Variants in RAP1B observed in about 807,000 individuals in gnomAD.
RAP1B encodes ras-related protein Rap-1b.
Under a neutral mutation model 27.5 loss-of-function variants are expected in RAP1B, and 1 was observed. The ratio of observed to expected loss-of-function variants is 0.04; its 90% CI spans 0.01 to 0.17. RAP1B has a LOEUF of 0.17. Among genes scored for constraint, RAP1B ranks in the 10% least tolerant of loss-of-function variants. The pLI, the probability that RAP1B is intolerant of heterozygous loss-of-function variation, is 1.00. For synonymous variants in RAP1B, 75 were observed against 73.1 expected (o/e 1.03, Z -0.13); for missense variants, 84 against 214.8 (o/e 0.39, Z 3.81).
At chr12:68,637,864 TTA>T (rs1872740017) in intron 1 of RAP1B, among the ~76,000 whole-genome samples, 1 of 152,086 alleles carries the variant, frequency 6.6e-6, no homozygotes, top group South Asian at 2.1e-4. Flanking sequence ...AAAATGTCAG[TTA>T]TTTGGTTTCA....
chr12:68,619,227 C>T (rs1565656432), intron 1 of RAP1B, among the ~76,000 whole-genome samples: 1 of 152,136 alleles, frequency 6.6e-6, no homozygotes, highest in African/African-American at 2.4e-5. Flanking sequence ...TAAAAGAATG[C>T]CAGACTTGGG....
Position 68,668,040 on chromosome 12 carries a change from C to T in RAP1B, c.*8791C>T, listed in dbSNP as rs1874924154. 1 of 152,224 alleles carries T rather than the reference C, an allele frequency of 6.6e-6. No individual in the cohort carries two copies. The highest frequency in any genetic ancestry group is 2.1e-4 in the South Asian group (1 of 4,832). 9.4% of individuals were successfully genotyped at this position (152,224 alleles called of 1,614,324 possible). A position where few individuals can be genotyped will look rare whatever the true frequency, so the allele number is the denominator to read the frequency against. On this transcript the variant is annotated 3_prime_UTR_variant, in exon 8 of 8. Coordinates refer to ENST00000250559, the MANE Select transcript of RAP1B (RefSeq NM_001010942.3). ...AAGAAAGAAGTGGCATCCACTACCC[C>T]TCCCCCATCCTTCCACTCTGAACCA... is the stretch of plus-strand genomic sequence containing the variant.
At chr12:68,651,371 G>A (rs190828631) in intron 3 of RAP1B, among the ~76,000 whole-genome samples, 1 of 152,024 alleles carries the variant, frequency 6.6e-6, no homozygotes, top group Admixed American at 6.6e-5. Context: ...CCCTCCATGT[G>A]CATAGTCTAC....
At chr12:68,619,033 G>C (rs1871217360) in intron 1 of RAP1B, among the ~76,000 whole-genome samples, 2 of 152,176 alleles carry the variant, frequency 1.3e-5, no homozygotes, top group Admixed American at 6.5e-5. Flanking sequence ...CCAGGAGTTG[G>C]AGGCTGCAGT....
intron 1 of RAP1B, among the ~76,000 whole-genome samples, chr12:68,646,471 CTT>C (rs958233006): frequency 7.2e-5 from 11 of 152,130 alleles, no homozygotes; most frequent in African/African-American, 2.7e-4. Context: ...AATTTTTGTA[CTT>C]TTAGTAGAAA....
At position 68,666,295 on chromosome 12, in the gene RAP1B, C is replaced by T. The variant is rs1414722608; in HGVS notation, c.*7046C>T. The T allele has an allele frequency of 1.3e-5, 2 of 152,088 alleles. No homozygotes were observed. Among genetic ancestry groups the T allele is most frequent in the East Asian group, 1.9e-4 (1 of 5,192 alleles). 9.4% of individuals were successfully genotyped at this position (152,088 alleles called of 1,614,324 possible). A position where few individuals can be genotyped will look rare whatever the true frequency, so the allele number is the denominator to read the frequency against. On this transcript the variant is annotated 3_prime_UTR_variant, in exon 8 of 8. Coordinates refer to ENST00000250559, the MANE Select transcript of RAP1B (RefSeq NM_001010942.3). ...AAATTCTTCTTTTTAATTGGATTCT[C>T]GTATGTTGATCTATTTCTATTGTTT...
At chr12:68,614,694 G>A (rs1209700534) in intron 1 of RAP1B, among the ~76,000 whole-genome samples, 2 of 152,224 alleles carry the variant, frequency 1.3e-5, no homozygotes, top group African/African-American at 4.8e-5. Context: ...TTTAGAACAA[G>A]TTAAGACATT....
chr12:68,645,250 TGA>T lies in RAP1B; in HGVS notation c.-26-3447_-26-3446del, dbSNP rs942441592. On this transcript the variant is annotated intron_variant, in intron 1 of 7. Transcript: ENST00000250559. ...ATCTTAATTTTACCTGGAAGGAAAG[TGA>T]GGCTCTGAAAGGTTTCGTGACTTGC... Among the ~76,000 whole-genome samples, 49 of 152,304 alleles carry T rather than the reference TGA, an allele frequency of 3.2e-4. No individual in the cohort carries two copies. In the Middle Eastern group the frequency reaches 0.01, roughly 32 times the overall value.
chr12:68,649,844 G>T (rs1873684064), intron 2 of RAP1B: 1 of 152,326 alleles, frequency 6.6e-6, no homozygotes, highest in Admixed American at 6.5e-5. Context: ...CCGGCACAGT[G>T]GCTCACGCCT....
intron 1 of RAP1B, among the ~76,000 whole-genome samples, chr12:68,624,087 A>G (rs1026517638): frequency 5.3e-5 from 8 of 152,208 alleles, no homozygotes; most frequent in Non-Finnish European, 8.8e-5. Context: ...GGCTTTATTC[A>G]TTACTGTTTG....
At chr12:68,625,180 T>A (rs534702296) in intron 1 of RAP1B, among the ~76,000 whole-genome samples, 1 of 152,268 alleles carries the variant, frequency 6.6e-6, no homozygotes, top group Non-Finnish European at 1.5e-5. Context: ...TAAGTGTTTA[T>A]TCATATGTGA....
In RAP1B at chr12:68,666,843, G is replaced by T. The variant is rs1227762172; in HGVS notation, c.*7594G>T. The stretch of plus-strand genomic sequence containing the variant: ...ATCAGCAGACCCTCAGGTCTCCCTA[G>T]AGAGATCCTGAGCACCTAGGAAAGC... On this transcript the variant is annotated 3_prime_UTR_variant, in exon 8 of 8. Transcript: ENST00000250559. 1 of 152,076 alleles carries T rather than the reference G, an allele frequency of 6.6e-6. No individual in the cohort carries two copies. The highest frequency in any genetic ancestry group is 1.9e-4 in the East Asian group (1 of 5,186). The allele number at this position is 152,076 out of a possible 1,614,324, so 9.4% of individuals were successfully genotyped here.
chr12:68,659,490 G>A lies in RAP1B; in HGVS notation c.*241G>A, dbSNP rs1874478125. On this transcript the variant is annotated 3_prime_UTR_variant, in exon 8 of 8. Coordinates refer to ENST00000250559, the MANE Select transcript of RAP1B (RefSeq NM_001010942.3). Reference sequence around the variant, plus strand: ...AGAGTTTGCAGCTGGTAAAACCAGAGGCTACATCCAGTATTACTGCTAAGA... The same window carrying A: ...AGAGTTTGCAGCTGGTAAAACCAGAAGCTACATCCAGTATTACTGCTAAGA... 2.9e-6 allele frequency: 1 copy of A among 341,256 alleles called. No individual in the cohort carries two copies. Among genetic ancestry groups the A allele is most frequent in the Non-Finnish European group, 5.7e-6 (1 of 174,298 alleles). 21.1% of individuals were successfully genotyped at this position (341,256 alleles called of 1,614,324 possible).
intron 1 of RAP1B, among the ~76,000 whole-genome samples, chr12:68,621,793 G>A (rs947794010): frequency 1.3e-5 from 2 of 152,148 alleles, no homozygotes; most frequent in African/African-American, 2.4e-5. Context: ...GGATAAACTG[G>A]CATTATATTT....
In RAP1B at chr12:68,637,622, A is replaced by G. The variant is rs955445757; in HGVS notation, c.-26-11077A>G. Among the ~76,000 whole-genome samples the G allele has an allele frequency of 1.4e-3, 217 of 150,616 alleles. 1 individual carries two copies. The highest frequency in any genetic ancestry group is 5.1e-3 in the African/African-American group (210 of 41,108). Reference sequence around the variant, plus strand: ...CTCAAAAAAAAAAAAAAAAAAAAAAAAAAAAACAAGATGCCAGCCTAGAAA... The same window carrying G: ...CTCAAAAAAAAAAAAAAAAAAAAAAGAAAAAACAAGATGCCAGCCTAGAAA... On this transcript the variant is annotated intron_variant, in intron 1 of 7. Transcript: ENST00000250559.
At chr12:68,620,306 C>T (rs548707100) in intron 1 of RAP1B, among the ~76,000 whole-genome samples, 1 of 151,878 alleles carries the variant, frequency 6.6e-6, no homozygotes, top group African/African-American at 2.4e-5. Context: ...TCATTGTAAC[C>T]TCCTCCTCCC....
chr12:68,642,588 C>T (rs1225484068), intron 1 of RAP1B: 6 of 1,039,180 alleles, frequency 5.8e-6, no homozygotes, highest in East Asian at 2.4e-5. Context: ...GGGAAAGCTT[C>T]GTTCAAGTCC....
rs1260226176 is a variant in RAP1B at position 68,663,530 on chromosome 12, T to C, written c.*4281T>C. ...TAAACAGATTAATCAACTAATTCCA[T>C]AGGCTTGACATTAGTTTATCTTTGA... is the stretch of plus-strand genomic sequence containing the variant. On this transcript the variant is annotated 3_prime_UTR_variant, in exon 8 of 8. Transcript: ENST00000250559. 1 of 152,240 alleles carries C rather than the reference T, an allele frequency of 6.6e-6. No individual in the cohort carries two copies. The highest frequency in any genetic ancestry group is 1.5e-5 in the Non-Finnish European group (1 of 68,042). The allele number at this position is 152,240 out of a possible 1,614,324, so 9.4% of individuals were successfully genotyped here.
At chr12:68,619,954 T>G (rs1437138348) in intron 1 of RAP1B, among the ~76,000 whole-genome samples, 2 of 152,202 alleles carry the variant, frequency 1.3e-5, no homozygotes, top group African/African-American at 2.4e-5. Flanking sequence ...AGAATTCCCT[T>G]GTGTCCAAAG....
Sources: gnomAD v4.1 joint callset for allele counts (sites outside exome capture counted in the v4.1 genomes callset) on GRCh38, gnomAD v4.1.1 for gene constraint, MANE v1.5 for transcripts, NCBI Gene and HGNC (gene_info 2026-07-23, HGNC 2026-07-21) for gene names.